Variants in PEAK1 observed in about 807,000 individuals in gnomAD.
The protein encoded by PEAK1 is pseudopodium enriched atypical kinase 1, also known as inactive tyrosine-protein kinase PEAK1.
PEAK1 carries 54 observed loss-of-function variants against 124.7 expected under a neutral mutation model. The ratio of observed to expected loss-of-function variants is 0.43; its 90% CI spans 0.35 to 0.54. The LOEUF (loss-of-function observed/expected upper bound fraction) is 0.54. PEAK1 is among the 20% of genes least tolerant of loss of function. The pLI, the probability that PEAK1 is intolerant of heterozygous loss-of-function variation, is 0.01. For missense variants in PEAK1, 2,046 were observed against 2,134.5 expected, an observed-to-expected ratio of 0.96 and a Z score of 0.82; for synonymous variants, 719 against 760.0, an observed-to-expected ratio of 0.95 and a Z score of 0.89.
At chr15:77,117,504 T>A (rs909681524) in intron 9 of PEAK1, among the ~76,000 whole-genome samples, 1 of 152,222 alleles carries the variant, frequency 6.6e-6, no homozygotes, top group Admixed American at 6.5e-5. Context: ...ACTAATGCAA[T>A]CTTAGAGAAT....
intron 2 of PEAK1, chr15:77,352,047 C>G (rs1185672387): frequency 3.5e-6 from 3 of 850,282 alleles, no homozygotes; most frequent in Non-Finnish European, 1.4e-6. Context: ...ATAAGGAGAC[C>G]CCATCTCTCC....
chr15:77,357,274 T>G (rs1375346597), intron 2 of PEAK1, among the ~76,000 whole-genome samples: 1 of 152,162 alleles, frequency 6.6e-6, no homozygotes, highest in African/African-American at 2.4e-5. Flanking sequence ...TGTTTTTGTT[T>G]TGTTTTCTTT....
intron 1 of PEAK1, among the ~76,000 whole-genome samples, chr15:77,392,449 G>A (rs1302258559): frequency 6.6e-6 from 1 of 152,130 alleles, no homozygotes; most frequent in Non-Finnish European, 1.5e-5. Context: ...GAATTACAGA[G>A]GTATTAAGAC....
At chr15:77,223,466 A>T (rs892186112) in intron 6 of PEAK1, among the ~76,000 whole-genome samples, 1 of 152,084 alleles carries the variant, frequency 6.6e-6, no homozygotes, top group Non-Finnish European at 1.5e-5. Flanking sequence ...AAGGTTTTCC[A>T]CATGATTTAA....
At chr15:77,292,667 G>A (rs976541654) in intron 2 of PEAK1, among the ~76,000 whole-genome samples, 1 of 152,084 alleles carries the variant, frequency 6.6e-6, no homozygotes, top group Admixed American at 6.6e-5. Context: ...CACTCCGAGC[G>A]TGCCTGCAAA....
chr15:77,269,766 C>T (rs1223480663), intron 5 of PEAK1, among the ~76,000 whole-genome samples: 3 of 152,056 alleles, frequency 2.0e-5, no homozygotes, highest in Non-Finnish European at 2.9e-5. Flanking sequence ...TTAAGAAAAT[C>T]GAAATTATAC....
intron 6 of PEAK1, chr15:77,204,546 G>C (rs1335711610): frequency 1.3e-5 from 2 of 152,868 alleles, no homozygotes; most frequent in Non-Finnish European, 2.9e-5. Context: ...CAGGCACCAG[G>C]TCATACCCTC....
rs568684915 is a variant in PEAK1, at chr15:77,381,584, T to C, written c.-665-16359A>G. ...TTCACTTGTAAGGCATAGAGTCATT[T>C]TTATCCATCCAGGTTACAGAGTGCT... is the stretch of plus-strand genomic sequence containing the variant. On this transcript the variant is annotated intron_variant, in intron 1 of 9. Transcript: ENST00000682557. 3.0e-4 allele frequency: 156 copies of C among 527,966 alleles called. No individual in the cohort carries two copies. The African/African-American group carries it at 3.1e-3, about 10-fold the overall frequency. The allele number at this position is 527,966 out of a possible 1,614,324, so 32.7% of individuals were successfully genotyped here.
At position 77,236,675 on chromosome 15, in the gene PEAK1, AAT is replaced by A. The variant is rs1254492036; in HGVS notation, c.-115+15690_-115+15691del. ...TGTCTTTTGAAATGTGAGGACATGAAATTTGGGAGGGGCCAGGGATGGAATGA... is the reference window on the plus strand; with the variant it reads ...TGTCTTTTGAAATGTGAGGACATGAATTGGGAGGGGCCAGGGATGGAATGA... On this transcript the variant is annotated intron_variant, in intron 6 of 9. Transcript: ENST00000682557. Among the ~76,000 whole-genome samples the A allele has an allele frequency of 1.6e-4, 25 of 152,158 alleles. No homozygotes were observed. The East Asian group carries it at 2.5e-3, about 15-fold the overall frequency.
intron 2 of PEAK1, among the ~76,000 whole-genome samples, chr15:77,323,409 T>A (rs925050785): frequency 1.3e-5 from 2 of 152,176 alleles, no homozygotes; most frequent in Non-Finnish European, 2.9e-5. Flanking sequence ...AAAATCTCCT[T>A]AAGCTGATAG....
chr15:77,243,290 C>T (rs2060437632), intron 6 of PEAK1, among the ~76,000 whole-genome samples: 1 of 152,206 alleles, frequency 6.6e-6, no homozygotes, highest in Non-Finnish European at 1.5e-5. Flanking sequence ...ATGAATGCAA[C>T]TCATATCTGA....
intron 7 of PEAK1, among the ~76,000 whole-genome samples, chr15:77,158,949 A>G (rs939119104): frequency 1.3e-5 from 2 of 152,222 alleles, no homozygotes; most frequent in African/African-American, 4.8e-5. Context: ...TCAAAGAGTG[A>G]AACATTTTAT....
chr15:77,139,770 C>A (rs76176547), intron 8 of PEAK1, among the ~76,000 whole-genome samples: 3,678 of 151,234 alleles, frequency 0.024, 63 homozygotes, highest in East Asian at 0.077. Flanking sequence ...AGTAATAGAA[C>A]AATATTAAAT....
chr15:77,356,169 T>C (rs1015249420), intron 2 of PEAK1, among the ~76,000 whole-genome samples: 20 of 152,336 alleles, frequency 1.3e-4, no homozygotes, highest in Admixed American at 1.2e-3. Context: ...TAAAATGTTT[T>C]GAATTTTTAC....
chr15:77,226,242 AC>A, intron 6 of PEAK1, among the ~76,000 whole-genome samples: 1 of 146,522 alleles, frequency 6.8e-6, no homozygotes, highest in African/African-American at 2.5e-5. Context: ...AAAAAAAAAA[AC>A]CCTGTCTTTG....
intron 8 of PEAK1, among the ~76,000 whole-genome samples, chr15:77,144,102 T>A (rs1456026077): frequency 2.0e-5 from 3 of 152,184 alleles, no homozygotes; most frequent in Non-Finnish European, 4.4e-5. Context: ...AGGTCTATCA[T>A]CATCAGCAGC....
chr15:77,333,809 A>T, intron 2 of PEAK1: 1 of 803,506 alleles, frequency 1.2e-6, no homozygotes, highest in Non-Finnish European at 1.5e-6. Context: ...TTGCAGATTT[A>T]TAAAAATCTT....
At chr15:77,200,791 G>T (rs530915128) in intron 6 of PEAK1, among the ~76,000 whole-genome samples, 4 of 152,220 alleles carry the variant, frequency 2.6e-5, no homozygotes, top group African/African-American at 9.6e-5. Context: ...ATGTTAGCAG[G>T]TGATTGTTTC....
At chr15:77,378,571 T>G (rs979196899) in intron 1 of PEAK1, among the ~76,000 whole-genome samples, 2 of 152,168 alleles carry the variant, frequency 1.3e-5, no homozygotes, top group African/African-American at 2.4e-5. Flanking sequence ...TAACACACTC[T>G]TTACTATATA....
Sources: allele counts gnomAD v4.1 joint callset (sites outside exome capture counted in the v4.1 genomes callset), GRCh38; gene constraint gnomAD v4.1.1; transcripts MANE v1.5; gene names NCBI Gene and HGNC (gene_info 2026-07-23, HGNC 2026-07-21).